The following PKD2L2 variants were observed in gnomAD, a reference collection of about 807,000 sequenced individuals.
The protein encoded by PKD2L2 is polycystin 2 like 2, transient receptor potential cation channel.
Under a neutral mutation model 83.9 loss-of-function variants are expected in PKD2L2, and 67 were observed. That is an observed-to-expected ratio of 0.80 (90% CI 0.66 to 0.98). PKD2L2 has a LOEUF of 0.98. PKD2L2 is among the 50% of genes least tolerant of loss of function. PKD2L2 has a pLI of 0.00. For missense variants in PKD2L2, 632 were observed against 717.2 expected (o/e 0.88, Z 1.36); for synonymous variants, 223 against 237.8 (o/e 0.94, Z 0.57).
intron 6 of PKD2L2, 93 bp downstream of exon 6, chr5:137,906,527 G>T: frequency 1.6e-6 from 1 of 626,084 alleles, no homozygotes; most frequent in Non-Finnish European, 2.7e-6. Context: ...TATTCATCCA[G>T]GACTTATTTT....
Position 137,924,929 on chromosome 5 carries a change from A to AG in PKD2L2, c.1552-108dup, listed in dbSNP as rs1423524056. 8.5e-5 allele frequency: 59 copies of AG among 692,610 alleles called. No individual in the cohort carries two copies. The African/African-American group carries it at 9.5e-4, about 11-fold the overall frequency. 42.9% of individuals were successfully genotyped at this position (692,610 alleles called of 1,614,324 possible). ...ATAGCATTTACCTCCACAGTCCTTT[A>AG]GGGTAGCAATCCAGAGGGACAAGCA... On this transcript the variant is annotated intron_variant, in intron 10 of 14. Transcript: ENST00000508883.
intron 4 of PKD2L2, among the ~76,000 whole-genome samples, chr5:137,897,945 A>C (rs2150006654): frequency 6.6e-6 from 1 of 152,160 alleles, no homozygotes; most frequent in African/African-American, 2.4e-5. Context: ...AAATTAAAAA[A>C]TAAAAAGAAG....
At chr5:137,895,026 GTGATTT>G (rs1421477410) in intron 4 of PKD2L2, among the ~76,000 whole-genome samples, 1 of 152,140 alleles carries the variant, frequency 6.6e-6, no homozygotes, top group African/African-American at 2.4e-5. Flanking sequence ...GCTTCCTTCA[GTGATTT>G]TTTTCTGTTG....
chr5:137,933,446 T>C (rs1400249784), intron 12 of PKD2L2, among the ~76,000 whole-genome samples: 2 of 152,188 alleles, frequency 1.3e-5, no homozygotes, highest in East Asian at 3.9e-4. Flanking sequence ...TAAACTACAG[T>C]TAGCCACCAC....
chr5:137,918,276 T>G (rs2150039330), intron 8 of PKD2L2, among the ~76,000 whole-genome samples: 1 of 152,280 alleles, frequency 6.6e-6, no homozygotes, highest in Middle Eastern at 3.4e-3. Context: ...CACAATGACT[T>G]TTTAACTTAC....
intron 5 of PKD2L2, among the ~76,000 whole-genome samples, chr5:137,904,157 A>T (rs1218410027): frequency 6.6e-6 from 1 of 152,194 alleles, no homozygotes; most frequent in East Asian, 1.9e-4. Flanking sequence ...TGGTGGGTTC[A>T]GATATGAGGG....
rs749313988 is a variant in PKD2L2, at chr5:137,894,505, A to G, written c.420A>G (p.Thr140=). 1.2e-6 allele frequency: 2 copies of G among 1,613,724 alleles called. No homozygotes were observed. The highest frequency in any genetic ancestry group is 2.2e-5 in the East Asian group (1 of 44,888). The change falls in exon 4 of 15, where the codon ACA becomes ACG. Residue 140 remains threonine (T), a synonymous_variant. Coordinates refer to ENST00000508883, the MANE Select transcript of PKD2L2 (RefSeq NM_001300921.2). ...GTCAACTAAAAGTCCGCAACAACAC[A>G]TGCAAAGTCTATTCATCTTTTCAGT... ...RVRQLKVRNN[T]CKVYSSFQSL... is the part of the protein sequence containing the mutation.
At chr5:137,907,657 A>T (rs1267012814) in intron 6 of PKD2L2, 85 bp from the exon 7 acceptor site, 5 of 749,780 alleles carry the variant, frequency 6.7e-6, no homozygotes, top group Non-Finnish European at 9.9e-6. Flanking sequence ...CTTTTGATGA[A>T]CTTTTTTTGT....
At chr5:137,912,993 G>A (rs369521497) in intron 8 of PKD2L2, among the ~76,000 whole-genome samples, 17 of 150,460 alleles carry the variant, frequency 1.1e-4, no homozygotes, top group African/African-American at 3.9e-4. Context: ...TAGTGGAGAC[G>A]GGGTTTCTCC....
Position 137,889,538 on chromosome 5 carries a change from A to G in PKD2L2, c.31+16A>G, listed in dbSNP as rs758002498. The G allele has an allele frequency of 6.5e-7, 1 of 1,543,918 alleles. No individual in the cohort carries two copies. Among genetic ancestry groups the G allele is most frequent in the African/African-American group, 1.5e-5 (1 of 68,942 alleles). The stretch of plus-strand genomic sequence containing the variant: ...CACCGAGGCGGTGAGGGGTCCTCTT[A>G]AGGAGTGGGAGGGACAGGGGCGATT... On this transcript the variant is annotated intron_variant, in intron 1 of 14. Coordinates refer to ENST00000508883, the MANE Select transcript of PKD2L2 (RefSeq NM_001300921.2).
chr5:137,893,773 C>A (rs929889046), intron 3 of PKD2L2, among the ~76,000 whole-genome samples: 8 of 152,140 alleles, frequency 5.3e-5, no homozygotes, highest in Admixed American at 3.9e-4. Context: ...CTAAATGATC[C>A]TAGACGGTTG....
rs66968280 is a variant in PKD2L2, at chr5:137,921,362, G to GAAAAA, written c.1329-264_1329-260dup. ...GGCGACAGAGTTTGACTGTCTCAAA[G>GAAAAA]AAAAAAAAAAAAAAGTTATAGATGA... On this transcript the variant is annotated intron_variant, in intron 8 of 14. Coordinates refer to ENST00000508883, the MANE Select transcript of PKD2L2 (RefSeq NM_001300921.2). 3.3e-4 allele frequency among the ~76,000 whole-genome samples: 48 copies of GAAAAA among 144,798 alleles called. 2 individuals are homozygous for GAAAAA. Among genetic ancestry groups the GAAAAA allele is most frequent in the East Asian group, 1.2e-3 (6 of 4,876 alleles). The allele number at this position is 144,798 out of a possible 152,430, so 95.0% of individuals were successfully genotyped here.
chr5:137,929,546 A>AAAG (rs1361089732), intron 12 of PKD2L2, among the ~76,000 whole-genome samples: 1 of 147,610 alleles, frequency 6.8e-6, no homozygotes, highest in East Asian at 2.0e-4. Context: ...AAAAAAAAAA[A>AAAG]AAAAAAAAAA....
In PKD2L2 at chr5:137,925,115, T is replaced by C. The variant is rs750047439; in HGVS notation, c.1616+11T>C. ...TGAAGACAAGAAAACGTAAGATGAC[T>C]TCTCTCAAATGTTTAACTTACCATT... On this transcript the variant is annotated intron_variant, in intron 11 of 14. Coordinates refer to ENST00000508883, the MANE Select transcript of PKD2L2 (RefSeq NM_001300921.2). The C allele has an allele frequency of 2.8e-5, 42 of 1,522,974 alleles. No homozygotes were observed. Among genetic ancestry groups the C allele is most frequent in the Non-Finnish European group, 3.8e-5 (42 of 1,097,916 alleles). 94.3% of individuals were successfully genotyped at this position (1,522,974 alleles called of 1,614,324 possible). A position where few individuals can be genotyped will look rare whatever the true frequency, so the allele number is the denominator to read the frequency against.
Position 137,907,781 on chromosome 5 carries a change from G to A in PKD2L2, c.1015G>A (p.Val339Ile). Residue 339 changes from valine (V) to isoleucine (I), a missense_variant, in exon 7 of 15, where the codon GTA becomes ATA. By Grantham distance (29) the Val-to-Ile change is conservative (BLOSUM62 3). Transcript: ENST00000508883. Reference sequence around the variant, plus strand: ...TGTTTCCTTCAACACATACTATAATGTACAAATTTTTCTCTTACTTGGACA... The same window carrying A: ...TGTTTCCTTCAACACATACTATAATATACAAATTTTTCTCTTACTTGGACA... The part of the protein sequence containing the change: ...VAVSFNTYYN[V>I]QIFLLLGQLL... The A allele has an allele frequency of 3.2e-6, 5 of 1,581,496 alleles. No individual in the cohort carries two copies. The highest frequency in any genetic ancestry group is 4.3e-6 in the Non-Finnish European group (5 of 1,163,048).
intron 1 of PKD2L2, chr5:137,889,879 T>C: frequency 3.5e-6 from 1 of 289,316 alleles, no homozygotes. Flanking sequence ...AAACCAGCCT[T>C]CCCAAGAAGC....
At chr5:137,927,770 C>A (rs958377240) in intron 12 of PKD2L2, among the ~76,000 whole-genome samples, 2 of 152,022 alleles carry the variant, frequency 1.3e-5, no homozygotes, top group African/African-American at 4.8e-5. Flanking sequence ...GAGACCAAAC[C>A]CAGATAATTT....
At chr5:137,941,530 G>A (rs951827358) in intron 14 of PKD2L2, among the ~76,000 whole-genome samples, 1 of 152,076 alleles carries the variant, frequency 6.6e-6, no homozygotes, top group Admixed American at 6.6e-5. Flanking sequence ...CCTTGGAAAC[G>A]GGCAACCTCA....
At chr5:137,908,461 C>T (rs1047108885) in intron 7 of PKD2L2, among the ~76,000 whole-genome samples, 3 of 151,854 alleles carry the variant, frequency 2.0e-5, no homozygotes, top group African/African-American at 7.3e-5. Context: ...CATGGTGGCA[C>T]GTGCCTGTAA....
Sources: gnomAD v4.1 joint callset for allele counts (sites outside exome capture counted in the v4.1 genomes callset) on GRCh38, gnomAD v4.1.1 for gene constraint, MANE v1.5 for transcripts, NCBI Gene and HGNC (gene_info 2026-07-23, HGNC 2026-07-21) for gene names.